The following SCLT1 variants were observed in gnomAD, a reference collection of about 807,000 sequenced individuals.
SCLT1 encodes the protein sodium channel-associated protein 1.
A neutral mutation model predicts 112.8 loss-of-function variants in SCLT1; 78 were observed. The ratio of observed to expected loss-of-function variants is 0.69; its 90% confidence interval spans 0.58 to 0.83. The LOEUF is 0.83. Among genes scored for constraint, SCLT1 ranks in the 40% least tolerant of loss-of-function variants. The pLI, the probability that SCLT1 is intolerant of heterozygous loss-of-function variation, is 0.00. For synonymous variants in SCLT1, 257 were observed against 254.7 expected, an observed-to-expected ratio of 1.01 and a Z score of -0.09; for missense variants, 747 against 770.4, an observed-to-expected ratio of 0.97 and a Z score of 0.36.
At chr4:128,982,364 G>A (rs977229917) in intron 9 of SCLT1, among the ~76,000 whole-genome samples, 1 of 152,130 alleles carries the variant, frequency 6.6e-6, no homozygotes, top group African/African-American at 2.4e-5. Context: ...TTATTATAAA[G>A]ACTGTTTCTA....
intron 5 of SCLT1, among the ~76,000 whole-genome samples, chr4:129,016,458 A>T (rs1163344130): frequency 3.3e-5 from 5 of 152,088 alleles, no homozygotes; most frequent in Non-Finnish European, 7.4e-5. Context: ...TTAAAGGCCA[A>T]CCCTGTGGAT....
At chr4:129,032,167 A>C (rs577587182) in intron 5 of SCLT1, among the ~76,000 whole-genome samples, 2 of 152,166 alleles carry the variant, frequency 1.3e-5, no homozygotes, top group South Asian at 4.2e-4. Context: ...CAGAACAGAA[A>C]ACTCAGAAAT....
chr4:128,946,095 G>A lies in SCLT1; in HGVS notation c.1351C>T (p.Gln451Ter). 6.2e-7 allele frequency: 1 copy of A among 1,607,746 alleles called. No homozygotes were observed. Among genetic ancestry groups the A allele is most frequent in the Non-Finnish European group, 8.5e-7 (1 of 1,174,762 alleles). Residue 451 changes from glutamine to a stop codon, truncating the protein, a stop_gained, in exon 16 of 21, where the codon CAA becomes TAA. Coordinates refer to ENST00000281142, the MANE Select transcript of SCLT1 (RefSeq NM_144643.4). LOFTEE classifies it high-confidence loss of function. ...SDYRKLEEMH[Q>*]RFLVSERSKD... ...GAACGCTCTGAAACCAGGAATCTTT[G>A]GTGCATTTCTTCCAGTTTTCTGTAA...
chr4:129,017,311 A>AGT (rs1346871377), intron 5 of SCLT1, among the ~76,000 whole-genome samples: 5 of 152,144 alleles, frequency 3.3e-5, no homozygotes, highest in Admixed American at 6.5e-5. Flanking sequence ...TTAATATATG[A>AGT]GTGTGTATAA....
intron 15 of SCLT1, among the ~76,000 whole-genome samples, chr4:128,947,483 T>C (rs988237754): frequency 1.3e-5 from 2 of 152,234 alleles, no homozygotes; most frequent in Admixed American, 1.3e-4. Context: ...TTTTTTCATG[T>C]TCATAATAGA....
At chr4:129,069,928 T>G (rs944692139) in intron 2 of SCLT1, among the ~76,000 whole-genome samples, 1 of 152,138 alleles carries the variant, frequency 6.6e-6, no homozygotes, top group African/African-American at 2.4e-5. Flanking sequence ...GGTATGTCCC[T>G]TGTATGCCAA....
chr4:128,919,860 A>G (rs1735748584), intron 18 of SCLT1, among the ~76,000 whole-genome samples: 1 of 152,154 alleles, frequency 6.6e-6, no homozygotes, highest in Non-Finnish European at 1.5e-5. Flanking sequence ...AAGAAATTCA[A>G]TCCCTGAACA....
intron 2 of SCLT1, among the ~76,000 whole-genome samples, chr4:129,057,966 G>T (rs931788287): frequency 2.0e-5 from 3 of 152,010 alleles, no homozygotes; most frequent in Non-Finnish European, 4.4e-5. Flanking sequence ...TGGCCAGGCT[G>T]CTCCTGAACT....
At chr4:129,022,877 T>G (rs1328458262) in intron 5 of SCLT1, among the ~76,000 whole-genome samples, 10 of 151,948 alleles carry the variant, frequency 6.6e-5, no homozygotes, top group African/African-American at 2.2e-4. Flanking sequence ...AAGGAAAAAA[T>G]GTTAAGGGCA....
rs565194174 is a variant in SCLT1 at position 129,006,786 on chromosome 4, G to C, written c.291-2910C>G. Among the ~76,000 whole-genome samples the C allele has an allele frequency of 1.2e-4, 19 of 152,218 alleles. No homozygotes were observed. The South Asian group carries it at 2.3e-3, about 18-fold the overall frequency. ...TCACCGAGTGTGCTCTGTTCCCGAGGTGTTATATGATTTTGGGTTTAGATT... is the reference window on the plus strand; with the variant it reads ...TCACCGAGTGTGCTCTGTTCCCGAGCTGTTATATGATTTTGGGTTTAGATT... On this transcript the variant is annotated intron_variant, in intron 5 of 20. Coordinates refer to ENST00000281142, the MANE Select transcript of SCLT1 (RefSeq NM_144643.4).
intron 5 of SCLT1, among the ~76,000 whole-genome samples, chr4:129,023,069 T>C (rs1745639237): frequency 2.0e-5 from 3 of 152,082 alleles, no homozygotes; most frequent in Middle Eastern, 6.8e-3. Context: ...GAAGGGGAAA[T>C]AAAATCATTT....
At chr4:128,991,799 AAT>A (rs1197340265) in intron 9 of SCLT1, among the ~76,000 whole-genome samples, 3 of 151,856 alleles carry the variant, frequency 2.0e-5, no homozygotes, top group Admixed American at 6.6e-5. Context: ...AACAATAAAA[AAT>A]AAAAATTTTT....
chr4:129,052,577 C>T (rs1748909617), intron 2 of SCLT1, among the ~76,000 whole-genome samples: 1 of 151,442 alleles, frequency 6.6e-6, no homozygotes, highest in Non-Finnish European at 1.5e-5. Context: ...TGGTGATATC[C>T]CCTTTATCAT....
At chr4:129,038,885 C>T (rs2592955) in intron 5 of SCLT1, among the ~76,000 whole-genome samples, 156 bp downstream of exon 5, 39,532 of 152,066 alleles carry the variant, frequency 0.26, 6,311 homozygotes, top group Non-Finnish European at 0.35. Context: ...CAGGGTCACA[C>T]AGCTAACAAG....
intron 1 of SCLT1, among the ~76,000 whole-genome samples, chr4:129,089,861 T>C (rs1373401631): frequency 2.9e-5 from 4 of 137,830 alleles, no homozygotes. Context: ...CGGGGCCTGT[T>C]GGGGAGTGGG....
intron 9 of SCLT1, 60 bp downstream of exon 9, chr4:128,992,107 T>C (rs1742625273): frequency 2.7e-6 from 3 of 1,116,746 alleles, no homozygotes; most frequent in Non-Finnish European, 4.0e-6. Flanking sequence ...TATAGCATCA[T>C]CAGCTCCCCT....
intron 2 of SCLT1, among the ~76,000 whole-genome samples, chr4:129,052,633 G>A (rs1390927049): frequency 6.6e-6 from 1 of 151,130 alleles, no homozygotes; most frequent in African/African-American, 2.4e-5. Flanking sequence ...TTCTTTATTA[G>A]TTTGGCTAGC....
chr4:128,896,625 C>T (rs1366656699), intron 18 of SCLT1, among the ~76,000 whole-genome samples: 2 of 152,198 alleles, frequency 1.3e-5, no homozygotes, highest in Admixed American at 1.3e-4. Flanking sequence ...GCCTCTTCTC[C>T]TCCAAAGGAA....
At position 129,058,952 on chromosome 4, in the gene SCLT1, A is replaced by T. The variant is rs116703822; in HGVS notation, c.103-14901T>A. On this transcript the variant is annotated intron_variant, in intron 2 of 20. Transcript: ENST00000281142. ...GTTGGGTGTATATATATTTAAAAAGATTATATCCTCCTTTCTGAATTGATC... is the reference window on the plus strand; with the variant it reads ...GTTGGGTGTATATATATTTAAAAAGTTTATATCCTCCTTTCTGAATTGATC... 7.9e-3 allele frequency among the ~76,000 whole-genome samples: 1,208 copies of T among 152,264 alleles called. 15 individuals are homozygous for T. The highest frequency in any genetic ancestry group is 0.028 in the African/African-American group (1,158 of 41,540).
Sources: gnomAD v4.1 joint callset for allele counts (sites outside exome capture counted in the v4.1 genomes callset) on GRCh38, gnomAD v4.1.1 for gene constraint, MANE v1.5 for transcripts, NCBI Gene and HGNC (gene_info 2026-07-23, HGNC 2026-07-21) for gene names.